OPA3: variants seen among roughly 807,000 people sequenced by gnomAD.
The protein encoded by OPA3 is optic atrophy 3 protein.
A neutral mutation model predicts 4.0 loss-of-function variants in OPA3; 6 were observed. The ratio of observed to expected loss-of-function variants is 1.51; its 90% CI spans 0.83 to 2.99. The LOEUF is 2.99. Among genes scored for constraint, OPA3 ranks in the 30% most tolerant of loss-of-function variants. The probability of loss-of-function intolerance (pLI) is 0.00; values close to 1 mark genes in which losing one functional copy is unlikely to be tolerated. For synonymous variants in OPA3, 105 were observed against 117.1 expected, an observed-to-expected ratio of 0.90 and a Z score of 0.67; for missense variants, 235 against 256.2, an observed-to-expected ratio of 0.92 and a Z score of 0.56.
At chr19:45,574,702 C>T (rs1969741968) in intron 1 of OPA3, among the ~76,000 whole-genome samples, 1 of 152,168 alleles carries the variant, frequency 6.6e-6, no homozygotes, top group Non-Finnish European at 1.5e-5. Flanking sequence ...CGTATCACAC[C>T]CTGTGCAGTT....
chr19:45,554,660 T>C (rs1969394224), intron 1 of OPA3, among the ~76,000 whole-genome samples: 1 of 152,260 alleles, frequency 6.6e-6, no homozygotes, highest in Admixed American at 6.5e-5. Context: ...CTGCAACAAT[T>C]AATATTCATC....
exon 2 of OPA3, chr19:45,528,884 A>C: frequency 1.4e-6 from 1 of 694,276 alleles, no homozygotes; most frequent in Non-Finnish European, 2.4e-6. Flanking sequence ...ACCACTGGGC[A>C]GGTTAGTAGG....
exon 2 of OPA3, chr19:45,528,995 C>G: frequency 6.5e-7 from 1 of 1,548,352 alleles, no homozygotes; most frequent in Non-Finnish European, 8.7e-7. Context: ...GAGAATAGGC[C>G]AAGACAGAGA....
At chr19:45,559,710 T>C (rs73569002) in intron 1 of OPA3, among the ~76,000 whole-genome samples, 6,065 of 152,090 alleles carry the variant, frequency 0.04, 406 homozygotes, top group African/African-American at 0.14. Context: ...GCCCCCTCCA[T>C]TTCTCTCTTC....
At chr19:45,560,857 G>T (rs902249451) in intron 1 of OPA3, among the ~76,000 whole-genome samples, 1 of 152,190 alleles carries the variant, frequency 6.6e-6, no homozygotes, top group Non-Finnish European at 1.5e-5. Flanking sequence ...CCCGGGAAAG[G>T]AGGGATATCT....
At chr19:45,534,642 CT>C (rs1277103902) in intron 1 of OPA3, among the ~76,000 whole-genome samples, 1 of 131,220 alleles carries the variant, frequency 7.6e-6, no homozygotes, top group Admixed American at 7.7e-5. Flanking sequence ...TTTTCTTTTT[CT>C]TTTTTTTGAG....
intron 1 of OPA3, among the ~76,000 whole-genome samples, chr19:45,570,577 CT>C (rs1311681010): frequency 1.3e-5 from 2 of 152,150 alleles, no homozygotes; most frequent in African/African-American, 2.4e-5. Flanking sequence ...ATCCCAGCTA[CT>C]TGGGAGGCTG....
chr19:45,584,765 C>G lies in OPA3; in HGVS notation c.-1G>C. The G allele has an allele frequency of 6.2e-7, 1 of 1,613,730 alleles. No homozygotes were observed. The highest frequency in any genetic ancestry group is 8.5e-7 in the Non-Finnish European group (1 of 1,180,032). The stretch of plus-strand genomic sequence containing the variant: ...CCATAGGGAACGCGCCCACCACCAT[C>G]TTGGCGGTCTCACAGGGCACGCGCA... On this transcript the variant is annotated 5_prime_UTR_variant, in exon 1 of 2. Coordinates refer to ENST00000263275, the MANE Select transcript of OPA3 (RefSeq NM_025136.4).
chr19:45,567,510 A>G (rs1969601236), intron 1 of OPA3, among the ~76,000 whole-genome samples: 1 of 152,108 alleles, frequency 6.6e-6, no homozygotes, highest in African/African-American at 2.4e-5. Context: ...GAGAAGTCAG[A>G]TAAGGAGACA....
chr19:45,569,206 C>A (rs191860180), intron 1 of OPA3, among the ~76,000 whole-genome samples: 1 of 152,296 alleles, frequency 6.6e-6, no homozygotes, highest in African/African-American at 2.4e-5. Flanking sequence ...CGCCTGTAAT[C>A]CCAGCACTTT....
rs563026557 is a variant in OPA3, at chr19:45,568,797, G to C, written c.143-14886C>G. 2.0e-5 allele frequency among the ~76,000 whole-genome samples: 3 copies of C among 152,232 alleles called. No individual in the cohort carries two copies. In the South Asian group the frequency reaches 6.2e-4, roughly 32 times the overall value. ...GGGCCACAGAGACGGTGCTGGGATG[G>C]GGATGTGACGCAGGGTGGACCACTG... On this transcript the variant is annotated intron_variant, in intron 1 of 1. Coordinates refer to ENST00000263275, the MANE Select transcript of OPA3 (RefSeq NM_025136.4).
chr19:45,576,547 C>CA (rs72431387), intron 1 of OPA3, among the ~76,000 whole-genome samples: 9,615 of 112,094 alleles, frequency 0.086, 597 homozygotes, highest in East Asian at 0.2. Context: ...CCCCCCCCCC[C>CA]AAAAAAAAAA....
In OPA3 at chr19:45,549,085, G is replaced by A. The variant is rs1262334602; in HGVS notation, c.*4429C>T. On this transcript the variant is annotated 3_prime_UTR_variant, in exon 2 of 2. Coordinates refer to ENST00000263275, the MANE Select transcript of OPA3 (RefSeq NM_025136.4). ...CTCCCAAAGTGCTAGGATTACAGGT[G>A]TGAGCCACTGCGCCCAGTCCCAAGG... is the stretch of plus-strand genomic sequence containing the variant. 17 of 982,340 alleles carry A rather than the reference G, an allele frequency of 1.7e-5. No homozygotes were observed. In the South Asian group the frequency reaches 5.7e-4, roughly 33 times the overall value. The allele number at this position is 982,340 out of a possible 1,614,324, so 60.9% of individuals were successfully genotyped here.
At chr19:45,554,743 A>C (rs950267117) in intron 1 of OPA3, among the ~76,000 whole-genome samples, 1 of 152,198 alleles carries the variant, frequency 6.6e-6, no homozygotes, top group Admixed American at 6.5e-5. Flanking sequence ...ATCTCCTTTT[A>C]CTTTTAAGGT....
exon 2 of OPA3, chr19:45,529,098 G>C: frequency 6.2e-7 from 1 of 1,601,864 alleles, no homozygotes; most frequent in Non-Finnish European, 8.5e-7. Context: ...CAGGCGGCGG[G>C]TCTCGGAGGC....
intron 1 of OPA3, among the ~76,000 whole-genome samples, chr19:45,554,363 C>T (rs1969389758): frequency 6.6e-6 from 1 of 152,164 alleles, no homozygotes; most frequent in Non-Finnish European, 1.5e-5. Context: ...AGGTGGCAGT[C>T]GATGCTAAGT....
chr19:45,564,538 C>G (rs1014163964), intron 1 of OPA3, among the ~76,000 whole-genome samples: 3 of 152,310 alleles, frequency 2.0e-5, no homozygotes, highest in African/African-American at 7.2e-5. Context: ...CAAGAGCCCA[C>G]TCAGCCTTGG....
Position 45,548,545 on chromosome 19 carries a change from G to C in OPA3, c.*4969C>G, listed in dbSNP as rs886054513. On this transcript the variant is annotated 3_prime_UTR_variant, in exon 2 of 2. Coordinates refer to ENST00000263275, the MANE Select transcript of OPA3 (RefSeq NM_025136.4). ...CACTGGAAAAGAAATGTACGTGTGA[G>C]CATCTGTAAGACCCGGTGACGGCAG... 7 of 985,448 alleles carry C rather than the reference G, an allele frequency of 7.1e-6. No homozygotes were observed. The highest frequency in any genetic ancestry group is 8.4e-6 in the Non-Finnish European group (7 of 829,944). The allele number at this position is 985,448 out of a possible 1,614,324, so 61.0% of individuals were successfully genotyped here. A position where few individuals can be genotyped will look rare whatever the true frequency, so the allele number is the denominator to read the frequency against.
intron 1 of OPA3, among the ~76,000 whole-genome samples, chr19:45,534,834 T>A (rs1220431748): frequency 6.6e-6 from 1 of 152,020 alleles, no homozygotes; most frequent in Non-Finnish European, 1.5e-5. Flanking sequence ...GGTTTCACTA[T>A]GTTGGTCAGG....
Sources: gnomAD v4.1 joint callset for allele counts (sites outside exome capture counted in the v4.1 genomes callset) on GRCh38, gnomAD v4.1.1 for gene constraint, MANE v1.5 for transcripts, NCBI Gene and HGNC (gene_info 2026-07-23, HGNC 2026-07-21) for gene names.